The following PACRG variants were observed in gnomAD, a reference collection of about 807,000 sequenced individuals.
PACRG encodes parkin coregulated.
PACRG carries 29 observed loss-of-function variants against 29.7 expected under a neutral mutation model. The observed-to-expected ratio is 0.98, with a 90% confidence interval of 0.73 to 1.33. The LOEUF is 1.33. Ranked by LOEUF, PACRG falls within the 40% of genes most tolerant of loss-of-function variation. The pLI is 0.00. For synonymous variants in PACRG, 116 were observed against 118.7 expected (o/e 0.98, Z 0.15); for missense variants, 279 against 316.2 (o/e 0.88, Z 0.89).
chr6:163,204,113 G>A (rs2128151005), intron 4 of PACRG, among the ~76,000 whole-genome samples: 1 of 152,292 alleles, frequency 6.6e-6, no homozygotes, highest in East Asian at 1.9e-4. Context: ...GATAGGGTTT[G>A]GGAGTTTCTT....
At chr6:163,056,449 T>C (rs1810599604) in intron 2 of PACRG, among the ~76,000 whole-genome samples, 1 of 152,124 alleles carries the variant, frequency 6.6e-6, no homozygotes, top group Non-Finnish European at 1.5e-5. Context: ...TACCCCTAAG[T>C]TGGAGGAAGC....
chr6:162,799,768 T>C (rs1018324939), intron 1 of PACRG, among the ~76,000 whole-genome samples: 5 of 152,126 alleles, frequency 3.3e-5, no homozygotes, highest in African/African-American at 1.2e-4. Flanking sequence ...AATTTTCTAT[T>C]AAAATATTCA....
chr6:162,776,516 A>C (rs535326179), intron 1 of PACRG, among the ~76,000 whole-genome samples: 1 of 152,306 alleles, frequency 6.6e-6, no homozygotes, highest in East Asian at 1.9e-4. Context: ...CTGGGATTAA[A>C]GATAGCGTCC....
At chr6:162,877,464 T>C (rs550167030) in intron 2 of PACRG, among the ~76,000 whole-genome samples, 6 of 152,088 alleles carry the variant, frequency 3.9e-5, no homozygotes, top group African/African-American at 9.6e-5. Flanking sequence ...AGGGATAGCA[T>C]TGGGAGAAAT....
At chr6:163,067,244 G>T (rs1318452638) in intron 3 of PACRG, among the ~76,000 whole-genome samples, 1 of 152,224 alleles carries the variant, frequency 6.6e-6, no homozygotes, top group East Asian at 1.9e-4. Flanking sequence ...TCTCTGACAA[G>T]CCCGTGGTCG....
chr6:163,013,433 T>C lies in PACRG; in HGVS notation c.292-48717T>C, dbSNP rs540585561. Among the ~76,000 whole-genome samples the C allele has an allele frequency of 1.3e-5, 2 of 150,802 alleles. 1 individual carries two copies. Among genetic ancestry groups the C allele is most frequent in the South Asian group, 4.5e-4 (2 of 4,458 alleles). ...ATAACATGATTAAGAATATCAATAG[T>C]CAGTATTACCTGTACGCCTGATGAA... On this transcript the variant is annotated intron_variant, in intron 2 of 4. Coordinates refer to ENST00000366888, the MANE Select transcript of PACRG (RefSeq NM_001080379.2).
chr6:163,074,132 G>A (rs1179445627), intron 3 of PACRG, among the ~76,000 whole-genome samples: 1 of 152,168 alleles, frequency 6.6e-6, no homozygotes, highest in African/African-American at 2.4e-5. Context: ...CGTATTTATT[G>A]CAGCACTATT....
chr6:163,228,750 C>A (rs1240920815), intron 4 of PACRG, among the ~76,000 whole-genome samples: 2 of 152,186 alleles, frequency 1.3e-5, no homozygotes, highest in Non-Finnish European at 2.9e-5. Context: ...TAAATGCAGA[C>A]TGGAGTGATT....
intron 4 of PACRG, among the ~76,000 whole-genome samples, chr6:163,299,617 G>A (rs1400610173): frequency 2.0e-5 from 3 of 152,160 alleles, no homozygotes; most frequent in Admixed American, 1.3e-4. Context: ...CACGGTGCTC[G>A]TGCCTGTAAT....
At chr6:163,061,271 C>T (rs187008008) in intron 2 of PACRG, among the ~76,000 whole-genome samples, 66 of 152,332 alleles carry the variant, frequency 4.3e-4, no homozygotes, top group African/African-American at 1.5e-3. Context: ...TGCCGCCTTG[C>T]TGGCAGTAGC....
intron 2 of PACRG, among the ~76,000 whole-genome samples, chr6:162,836,500 C>A (rs1431265838): frequency 6.6e-6 from 1 of 152,116 alleles, no homozygotes; most frequent in Admixed American, 6.6e-5. Context: ...CTGAGGGATT[C>A]AGCTTTCAGG....
At chr6:163,108,569 T>TG (rs397816424) in intron 4 of PACRG, among the ~76,000 whole-genome samples, 1 of 151,526 alleles carries the variant, frequency 6.6e-6, no homozygotes, top group Non-Finnish European at 1.5e-5. Flanking sequence ...ATTTTTTTTT[T>TG]GTCTTTTTAG....
chr6:163,158,220 G>A (rs1050778398), intron 4 of PACRG, among the ~76,000 whole-genome samples: 1 of 152,200 alleles, frequency 6.6e-6, no homozygotes, highest in Non-Finnish European at 1.5e-5. Flanking sequence ...TGTACCTACA[G>A]GGAGTGGCCA....
chr6:163,105,243 A>T (rs1234569720), intron 4 of PACRG, among the ~76,000 whole-genome samples: 1 of 152,216 alleles, frequency 6.6e-6, no homozygotes, highest in East Asian at 1.9e-4. Context: ...GGCCCAATGC[A>T]TAATGTACCA....
At chr6:162,878,993 C>T (rs966312) in intron 2 of PACRG, among the ~76,000 whole-genome samples, 103,081 of 152,014 alleles carry the variant, frequency 0.68, 35,776 homozygotes, top group African/African-American at 0.83. Context: ...TAAATATTAC[C>T]TTTTCTGTAA....
At chr6:163,007,765 C>T (rs918769262) in intron 2 of PACRG, among the ~76,000 whole-genome samples, 1 of 152,118 alleles carries the variant, frequency 6.6e-6, no homozygotes, top group African/African-American at 2.4e-5. Context: ...CGCTCTTGCT[C>T]CATTTTGGTC....
At chr6:163,283,311 A>G (rs1455909951) in intron 4 of PACRG, among the ~76,000 whole-genome samples, 1 of 152,192 alleles carries the variant, frequency 6.6e-6, no homozygotes, top group African/African-American at 2.4e-5. Flanking sequence ...GCTTAACTCG[A>G]AGATGTGGAA....
chr6:162,842,963 T>G lies in PACRG; in HGVS notation c.291+28682T>G, dbSNP rs1789942770. ...GGCTTGTAGGGTTTCTGCCGAGAGA[T>G]CCGCTGTTAGTCTGATGGGCTTCCC... On this transcript the variant is annotated intron_variant, in intron 2 of 4. Transcript: ENST00000366888. Among the ~76,000 whole-genome samples, 4 of 113,716 alleles carry G rather than the reference T, an allele frequency of 3.5e-5. No homozygotes were observed. In the Admixed American group the frequency reaches 4.0e-4, roughly 11 times the overall value. The allele number at this position is 113,716 out of a possible 152,430, so 74.6% of individuals were successfully genotyped here.
intron 4 of PACRG, among the ~76,000 whole-genome samples, chr6:163,255,109 T>A (rs561299818): frequency 6.6e-6 from 1 of 152,294 alleles, no homozygotes; most frequent in Admixed American, 6.5e-5. Flanking sequence ...AGACCCAATG[T>A]CCATGGCAAC....
Sources: gnomAD v4.1 joint callset for allele counts (sites outside exome capture counted in the v4.1 genomes callset) on GRCh38, gnomAD v4.1.1 for gene constraint, MANE v1.5 for transcripts, NCBI Gene and HGNC (gene_info 2026-07-23, HGNC 2026-07-21) for gene names.